ABCC5: variants seen among roughly 807,000 people sequenced by gnomAD.
ABCC5 encodes ATP binding cassette subfamily C member 5.
In ABCC5, 61 loss-of-function variants were observed where a neutral mutation model predicts 160.9. The ratio of observed to expected loss-of-function variants is 0.38; its 90% confidence interval spans 0.31 to 0.47. The LOEUF (loss-of-function observed/expected upper bound fraction) is 0.47, where lower values mean the gene tolerates loss of function less well. ABCC5 is among the 20% of genes least tolerant of loss of function. ABCC5 has a pLI of 0.99. For synonymous variants in ABCC5, 666 were observed against 700.6 expected, an observed-to-expected ratio of 0.95 and a Z score of 0.78; for missense variants, 1,308 against 1,813.3, an observed-to-expected ratio of 0.72 and a Z score of 5.06.
Position 183,951,330 on chromosome 3 carries a change from C to T in ABCC5, c.2944+111G>A. 7.1e-7 allele frequency: 1 copy of T among 1,406,620 alleles called. No individual in the cohort carries two copies. Among genetic ancestry groups the T allele is most frequent in the Non-Finnish European group, 9.6e-7 (1 of 1,043,064 alleles). 87.1% of individuals were successfully genotyped at this position (1,406,620 alleles called of 1,614,324 possible). On this transcript the variant is annotated intron_variant, in intron 20 of 29. Transcript: ENST00000334444. The surrounding 1 kb of genome is among the most constrained non-coding windows in gnomAD (Gnocchi z 4.7). ...TTCCTGGTGAAAACACCAGCAGTCA[C>T]TGTGCTCTCAGGATCTACAGACAGA...
At chr3:183,989,820 T>C (rs1259070430) in intron 2 of ABCC5, among the ~76,000 whole-genome samples, 1 of 152,140 alleles carries the variant, frequency 6.6e-6, no homozygotes, top group East Asian at 1.9e-4. Context: ...TTTGGGTTTT[T>C]TTGAGATAGA....
At chr3:184,002,860 C>T (rs1720864957) in intron 2 of ABCC5, among the ~76,000 whole-genome samples, 1 of 152,188 alleles carries the variant, frequency 6.6e-6, no homozygotes, top group Admixed American at 6.5e-5. Context: ...TTCCTGAAGG[C>T]AGAGACTGCA....
intron 10 of ABCC5, 77 bp from the exon 11 acceptor site, chr3:183,971,996 C>T (rs1423367721): frequency 3.1e-6 from 5 of 1,601,926 alleles, no homozygotes; most frequent in Non-Finnish European, 4.2e-6. Context: ...GGCGTACACT[C>T]ACGTAGCAAA....
chr3:183,982,484 T>TC lies in ABCC5; in HGVS notation c.965dup (p.Ser323IlefsTer31). ...GGTAAAAGAGGATAAAAACAGCTGA[T>TC]CCCAGGAAGCCTGTTGGTCCCAGAA... On this transcript the variant is annotated frameshift_variant, in exon 7 of 30. Transcript: ENST00000334444. LOFTEE classifies it high-confidence loss of function. This position sits in a 1 kb window ranked among gnomAD's most constrained non-coding sequence, Gnocchi z 5.2. 6.2e-7 allele frequency: 1 copy of TC among 1,614,050 alleles called. No individual in the cohort carries two copies. The highest frequency in any genetic ancestry group is 8.5e-7 in the Non-Finnish European group (1 of 1,180,006).
At chr3:183,964,741 A>C (rs1234328408) in intron 14 of ABCC5, among the ~76,000 whole-genome samples, 2 of 152,244 alleles carry the variant, frequency 1.3e-5, no homozygotes, top group African/African-American at 4.8e-5. Flanking sequence ...TTAGTTCCAA[A>C]GACAAGCCTC....
At chr3:183,925,392 T>C (rs1560464365) in intron 29 of ABCC5, among the ~76,000 whole-genome samples, 163 bp downstream of exon 29, 1 of 152,228 alleles carries the variant, frequency 6.6e-6, no homozygotes, top group Non-Finnish European at 1.5e-5. Flanking sequence ...TGAGTAATCT[T>C]GTGATTCGGA....
At chr3:183,928,942 T>G in intron 26 of ABCC5, 117 bp from the exon 27 acceptor site, 1 of 771,534 alleles carries the variant, frequency 1.3e-6, no homozygotes, top group Non-Finnish European at 2.2e-6. Context: ...CAAACCCTGA[T>G]GGTCACAGAC....
Position 183,951,372 on chromosome 3 carries a change from G to A in ABCC5, c.2944+69C>T. 6.4e-7 allele frequency: 1 copy of A among 1,574,222 alleles called. No homozygotes were observed. On this transcript the variant is annotated intron_variant, in intron 20 of 29. Transcript: ENST00000334444. This position sits in a 1 kb window ranked among gnomAD's most constrained non-coding sequence, Gnocchi z 4.7. Reference sequence around the variant, plus strand: ...ACAGACAGACAGATCTGCACATTTGGAGAATCATCTAGAAGGCTGGAAGCA... The same window carrying A: ...ACAGACAGACAGATCTGCACATTTGAAGAATCATCTAGAAGGCTGGAAGCA...
At chr3:183,974,649 A>G (rs1718060788) in intron 10 of ABCC5, among the ~76,000 whole-genome samples, 1 of 152,230 alleles carries the variant, frequency 6.6e-6, no homozygotes, top group African/African-American at 2.4e-5. Flanking sequence ...ATAATTTTTC[A>G]GTATAAGTAT....
chr3:183,977,791 C>T (rs1344902831), intron 9 of ABCC5, among the ~76,000 whole-genome samples, 167 bp from the exon 10 acceptor site: 2 of 151,816 alleles, frequency 1.3e-5, no homozygotes, highest in South Asian at 2.1e-4. Flanking sequence ...CTCGCTCTGT[C>T]GCCCAGGCTG....
chr3:183,972,412 A>C (rs560316221), intron 10 of ABCC5, among the ~76,000 whole-genome samples: 1 of 152,316 alleles, frequency 6.6e-6, no homozygotes, highest in Non-Finnish European at 1.5e-5. Flanking sequence ...TCACAGGCTT[A>C]CATTGCTACC....
intron 17 of ABCC5, among the ~76,000 whole-genome samples, chr3:183,958,674 A>T (rs1716449837): frequency 6.6e-6 from 1 of 151,080 alleles, no homozygotes; most frequent in South Asian, 2.1e-4. Context: ...TTTTGTCAGG[A>T]TCTCACTCGG....
intron 24 of ABCC5, among the ~76,000 whole-genome samples, 186 bp downstream of exon 24, chr3:183,945,664 A>G (rs1356663971): frequency 6.6e-6 from 1 of 152,244 alleles, no homozygotes; most frequent in African/African-American, 2.4e-5. Context: ...ATTTACAAAT[A>G]TACTTAGAAA....
At chr3:183,954,297 C>T (rs574208420) in intron 17 of ABCC5, among the ~76,000 whole-genome samples, 1 of 152,170 alleles carries the variant, frequency 6.6e-6, no homozygotes, top group Admixed American at 6.5e-5. Flanking sequence ...TATAGGCGCC[C>T]GCCACCACGC....
intron 2 of ABCC5, among the ~76,000 whole-genome samples, chr3:184,007,346 C>T (rs1254707590): frequency 1.3e-5 from 2 of 151,906 alleles, no homozygotes; most frequent in East Asian, 1.9e-4. Flanking sequence ...TCCATTCTTC[C>T]TTCTTTCCCA....
intron 2 of ABCC5, among the ~76,000 whole-genome samples, chr3:184,008,104 A>G (rs2108917178): frequency 7.8e-6 from 1 of 128,422 alleles, no homozygotes; most frequent in Middle Eastern, 3.8e-3. Flanking sequence ...AATTACAGTC[A>G]TCTATGTAGA....
rs1722295055 is a variant in ABCC5, at chr3:184,017,568, A to T, written c.-56+262T>A. The T allele has an allele frequency of 6.6e-6, 1 of 151,920 alleles. No individual in the cohort carries two copies. The highest frequency in any genetic ancestry group is 1.5e-5 in the Non-Finnish European group (1 of 68,046). The allele number at this position is 151,920 out of a possible 1,614,324, so 9.4% of individuals were successfully genotyped here. ...CCCTGGCGGCCGCGGCCAGGGACGT[A>T]GCCCGCGTCCCTGCCCGCTCATCCC... On this transcript the variant is annotated intron_variant, in intron 1 of 29. Coordinates refer to ENST00000334444, the MANE Select transcript of ABCC5 (RefSeq NM_005688.4). This position sits in a 1 kb window ranked among gnomAD's most constrained non-coding sequence, Gnocchi z 4.5.
intron 29 of ABCC5, among the ~76,000 whole-genome samples, chr3:183,922,394 A>T (rs1712092030): frequency 6.6e-6 from 1 of 152,202 alleles, no homozygotes; most frequent in South Asian, 2.1e-4. Context: ...ATAAATAAAT[A>T]AACAAAATAA....
Position 183,988,525 on chromosome 3 carries a change from C to G in ABCC5, c.443+47G>C. ...GGACTTCACACTCCTAGCTCAGGCC[C>G]TGCCCACCCGGCATGGGGGAGATGA... On this transcript the variant is annotated intron_variant, in intron 4 of 29. Coordinates refer to ENST00000334444, the MANE Select transcript of ABCC5 (RefSeq NM_005688.4). This position sits in a 1 kb window ranked among gnomAD's most constrained non-coding sequence, Gnocchi z 4.4. 6.3e-7 allele frequency: 1 copy of G among 1,575,870 alleles called. No homozygotes were observed. Among genetic ancestry groups the G allele is most frequent in the Non-Finnish European group, 8.6e-7 (1 of 1,164,816 alleles).
Sources: allele counts gnomAD v4.1 joint callset (sites outside exome capture counted in the v4.1 genomes callset), GRCh38; gene constraint gnomAD v4.1.1; non-coding constraint Gnocchi (gnomAD v3.1); transcripts MANE v1.5; gene names NCBI Gene and HGNC (gene_info 2026-07-23, HGNC 2026-07-21).